The following SAMD12 variants were observed in gnomAD, a reference collection of about 807,000 sequenced individuals.
SAMD12 encodes sterile alpha motif domain containing 12.
SAMD12 carries 9 observed loss-of-function variants against 15.0 expected under a neutral mutation model. That is an observed-to-expected ratio of 0.60 (90% CI 0.36 to 1.05). The LOEUF (loss-of-function observed/expected upper bound fraction) is 1.05, where lower values mean the gene tolerates loss of function less well. Ranked by LOEUF, SAMD12 falls within the 50% of genes least tolerant of loss-of-function variation. The pLI, the probability that SAMD12 is intolerant of heterozygous loss-of-function variation, is 0.01. For missense variants in SAMD12, 230 were observed against 234.2 expected (o/e 0.98, Z 0.12); for synonymous variants, 86 against 90.1 (o/e 0.96, Z 0.25).
intron 4 of SAMD12, among the ~76,000 whole-genome samples, chr8:118,337,485 C>T (rs1817141786): frequency 6.6e-6 from 1 of 152,172 alleles, no homozygotes. Flanking sequence ...TTTTTGCTTT[C>T]TGCCGTTTTA....
the SAMD12 span, among the ~76,000 whole-genome samples, chr8:118,177,949 A>G: frequency 6.6e-6 from 1 of 152,144 alleles, no homozygotes; most frequent in Non-Finnish European, 1.5e-5. Context: ...ACTGCCATAC[A>G]CTTCTCTTGA....
chr8:118,537,701 A>G (rs1308216893), intron 2 of SAMD12, among the ~76,000 whole-genome samples: 2 of 152,196 alleles, frequency 1.3e-5, no homozygotes, highest in South Asian at 2.1e-4. Flanking sequence ...TATCCTGTAT[A>G]TGGCTGAGTT....
At chr8:118,617,251 G>A (rs1828261776) in intron 1 of SAMD12, among the ~76,000 whole-genome samples, 1 of 152,242 alleles carries the variant, frequency 6.6e-6, no homozygotes, top group African/African-American at 2.4e-5. Flanking sequence ...TTATGGGGCT[G>A]CAAAGCCCAG....
chr8:118,147,910 T>TTC, the SAMD12 span, among the ~76,000 whole-genome samples: 1 of 145,050 alleles, frequency 6.9e-6, no homozygotes, highest in Non-Finnish European at 1.5e-5. Flanking sequence ...AATTTTTTTT[T>TTC]TCTGTGTGTG....
At chr8:118,269,189 T>C (rs1813276449) in intron 4 of SAMD12, among the ~76,000 whole-genome samples, 1 of 150,010 alleles carries the variant, frequency 6.7e-6, no homozygotes, top group South Asian at 2.2e-4. Flanking sequence ...TCTTCTTTGC[T>C]TTTGTTCTCT....
At chr8:118,447,340 T>C (rs1335008646) in intron 2 of SAMD12, among the ~76,000 whole-genome samples, 1 of 151,986 alleles carries the variant, frequency 6.6e-6, no homozygotes, top group African/African-American at 2.4e-5. Context: ...TCCCACTCTG[T>C]CACCCAGGCT....
rs564959576 is a variant in SAMD12, at chr8:118,451,385, A to C, written c.193-11424T>G. 2.0e-5 allele frequency among the ~76,000 whole-genome samples: 3 copies of C among 152,318 alleles called. No homozygotes were observed. In the East Asian group the frequency reaches 5.8e-4, roughly 29 times the overall value. ...GGCAGAGCTGGGTTCAGGACCAGCC[A>C]CATGACTCCAACTCAAGGGCTTTTT... On this transcript the variant is annotated intron_variant, in intron 2 of 3. Transcript: ENST00000314727.
At chr8:118,497,145 T>C (rs1824638511) in intron 2 of SAMD12, among the ~76,000 whole-genome samples, 1 of 152,204 alleles carries the variant, frequency 6.6e-6, no homozygotes. Flanking sequence ...TCAGCCACTG[T>C]AGAAAGCAAT....
chr8:118,566,796 A>C (rs1315863715), intron 2 of SAMD12, among the ~76,000 whole-genome samples: 3 of 152,166 alleles, frequency 2.0e-5, no homozygotes, highest in Admixed American at 6.5e-5. Context: ...TAGGCTTATC[A>C]TTTCCAGATC....
At chr8:118,434,017 A>G (rs531799889) in intron 3 of SAMD12, among the ~76,000 whole-genome samples, 1 of 152,342 alleles carries the variant, frequency 6.6e-6, no homozygotes, top group South Asian at 2.1e-4. Context: ...TTGGAAGACA[A>G]TCACAGAAGG....
chr8:118,272,266 C>A (rs1384215573), intron 4 of SAMD12, among the ~76,000 whole-genome samples: 6 of 152,232 alleles, frequency 3.9e-5, no homozygotes, highest in African/African-American at 1.4e-4. Context: ...TAAGCAAGAG[C>A]CTGAGCTGTA....
chr8:118,492,140 A>C (rs1346294275), intron 2 of SAMD12, among the ~76,000 whole-genome samples: 1 of 97,114 alleles, frequency 1.0e-5, no homozygotes, highest in Non-Finnish European at 2.0e-5. Flanking sequence ...TTTTTTTTTT[A>C]AGTTTTAAGT....
chr8:118,165,560 A>T, the SAMD12 span, among the ~76,000 whole-genome samples: 1 of 149,106 alleles, frequency 6.7e-6, no homozygotes, highest in Non-Finnish European at 1.5e-5. Flanking sequence ...CCGGCCCTCA[A>T]AATATGTATT....
At chr8:118,151,999 A>G in the SAMD12 span, among the ~76,000 whole-genome samples, 31 of 152,136 alleles carry the variant, frequency 2.0e-4, no homozygotes, top group Non-Finnish European at 3.8e-4. Context: ...CCATCTTCCT[A>G]AAGACCCAAG....
At chr8:118,242,845 ACAGT>A (rs1295954978) in intron 4 of SAMD12, among the ~76,000 whole-genome samples, 1 of 152,156 alleles carries the variant, frequency 6.6e-6, no homozygotes, top group Non-Finnish European at 1.5e-5. Context: ...GCACATTAAA[ACAGT>A]CAGATACAAC....
rs989370757 is a variant in SAMD12, at chr8:118,379,476, C to T, written c.547G>A (p.Glu183Lys). The T allele has an allele frequency of 1.2e-6, 2 of 1,613,800 alleles. No individual in the cohort carries two copies. Among genetic ancestry groups the T allele is most frequent in the Non-Finnish European group, 1.7e-6 (2 of 1,179,826 alleles). Reference sequence around the variant, plus strand: ...CTGTGAAGAAACAATAACAAATTCTCCCTGACTCCTGTCTGTCCTAATAGT... The same window carrying T: ...CTGTGAAGAAACAATAACAAATTCTTCCTGACTCCTGTCTGTCCTAATAGT... ...TLLLGQTGVR[E>K]NLLLFLHRIS... is the part of the protein sequence containing the mutation. Residue 183 changes from glutamate (E) to lysine (K), a missense_variant, in exon 4 of 4, where the codon GAG (glutamate) becomes AAG (lysine). Glu to Lys is a moderately conservative substitution (Grantham distance 56). Transcript: ENST00000314727.
intron 3 of SAMD12, among the ~76,000 whole-genome samples, chr8:118,383,808 T>C (rs1819799915): frequency 6.6e-6 from 1 of 152,192 alleles, no homozygotes; most frequent in African/African-American, 2.4e-5. Flanking sequence ...CCATTATTAA[T>C]TATTTATTGA....
chr8:118,513,810 C>A (rs1332991937), intron 2 of SAMD12, among the ~76,000 whole-genome samples: 1 of 152,142 alleles, frequency 6.6e-6, no homozygotes, highest in Admixed American at 6.6e-5. Flanking sequence ...GCTTGACTAT[C>A]AACAGCAAAT....
At chr8:118,208,483 C>T (rs1435136424) in intron 4 of SAMD12, among the ~76,000 whole-genome samples, 1 of 152,164 alleles carries the variant, frequency 6.6e-6, no homozygotes, top group Non-Finnish European at 1.5e-5. Flanking sequence ...GTGGACCATA[C>T]TTTGAGTAGG....
Sources: gnomAD v4.1 joint callset for allele counts (sites outside exome capture counted in the v4.1 genomes callset) on GRCh38, gnomAD v4.1.1 for gene constraint, MANE v1.5 for transcripts, NCBI Gene and HGNC (gene_info 2026-07-23, HGNC 2026-07-21) for gene names.